The following SEMA4B variants were observed in gnomAD, a reference collection of about 807,000 sequenced individuals.
SEMA4B encodes semaphorin-4B.
In SEMA4B, 55 loss-of-function variants were observed where a neutral mutation model predicts 88.1. The ratio of observed to expected loss-of-function variants is 0.62; its 90% CI spans 0.50 to 0.78. The LOEUF is 0.78. SEMA4B is among the 30% of genes least tolerant of loss of function. The probability of loss-of-function intolerance (pLI) is 0.00; values close to 1 mark genes in which losing one functional copy is unlikely to be tolerated. For missense variants in SEMA4B, 1,062 were observed against 1,111.9 expected (o/e 0.96, Z 0.64); for synonymous variants, 525 against 473.6 (o/e 1.11, Z -1.41).
rs143064598 is a variant in SEMA4B, at chr15:90,195,798, C to T, written c.-121-5660C>T. On this transcript the variant is annotated intron_variant, in intron 1 of 14. Coordinates refer to the SEMA4B transcript ENST00000332496. ...CTAATTTTTGTAATTTTTGTAGAGA[C>T]GGAGTTTTGCCGTGTTGCCCAGGTT... 1.4e-3 allele frequency among the ~76,000 whole-genome samples: 218 copies of T among 150,632 alleles called. 2 individuals carry two copies. The highest frequency in any genetic ancestry group is 5.0e-3 in the African/African-American group (204 of 40,978).
chr15:90,203,463 G>A (rs1365454115), intron 1 of SEMA4B, among the ~76,000 whole-genome samples: 3 of 152,176 alleles, frequency 2.0e-5, no homozygotes, highest in Non-Finnish European at 4.4e-5. Context: ...GTCAAAAGAC[G>A]GTAGGTTTCA....
At chr15:90,197,330 T>C (rs142262342), upstream of SEMA4B, among the ~76,000 whole-genome samples, 4,085 of 152,082 alleles carry the variant, frequency 0.027, 161 homozygotes, top group African/African-American at 0.093. Flanking sequence ...GTGGAGGTTG[T>C]AGTGAGCTGA....
At chr15:90,227,454 C>A in intron 12 of SEMA4B, 103 bp from the exon 13 acceptor site, 2 of 958,208 alleles carry the variant, frequency 2.1e-6, no homozygotes, top group Non-Finnish European at 3.2e-6. Flanking sequence ...GGGGAATCAG[C>A]TCAGGAAAGG....
chr15:90,188,962 C>T (rs1216547284), intron 1 of SEMA4B, among the ~76,000 whole-genome samples: 3 of 152,172 alleles, frequency 2.0e-5, no homozygotes. Flanking sequence ...AGCCACCGCG[C>T]CCAGCCAGGA....
At chr15:90,184,951 G>C, upstream of SEMA4B, 6 of 985,964 alleles carry the variant, frequency 6.1e-6, no homozygotes, top group Non-Finnish European at 7.2e-6. Flanking sequence ...GACTGAGGCT[G>C]TGCGCCCGAG....
In SEMA4B at chr15:90,220,692, T is replaced by A. The variant is rs528391159; in HGVS notation, c.484-290T>A. Among the ~76,000 whole-genome samples, 158 of 152,066 alleles carry A rather than the reference T, an allele frequency of 1.0e-3. 1 individual carries two copies. The highest frequency in any genetic ancestry group is 3.4e-3 in the Middle Eastern group (1 of 294). ...CCAGGCTCACATCATTTTCTAAGCC[T>A]CACCTCCTCCGCCAGGTGGGTCTGA... On this transcript the variant is annotated intron_variant, in intron 4 of 13. Transcript: ENST00000411539.
intron 1 of SEMA4B, among the ~76,000 whole-genome samples, chr15:90,215,771 C>T (rs1961505077): frequency 6.6e-6 from 1 of 152,098 alleles, no homozygotes; most frequent in Non-Finnish European, 1.5e-5. Context: ...GAGATCATGC[C>T]AGTGCACTCC....
intron 9 of SEMA4B, among the ~76,000 whole-genome samples, chr15:90,224,622 C>T (rs903682560): frequency 6.6e-6 from 1 of 152,200 alleles, no homozygotes; most frequent in Admixed American, 6.5e-5. Context: ...GCCGACTGCA[C>T]TGGGACGCTC....
intron 1 of SEMA4B, among the ~76,000 whole-genome samples, chr15:90,190,021 G>A (rs1198103407): frequency 6.6e-6 from 1 of 152,204 alleles, no homozygotes; most frequent in African/African-American, 2.4e-5. Context: ...TGGCCCCGTG[G>A]GTGCGTCCTC....
chr15:90,218,770 C>T (rs556919747), intron 3 of SEMA4B, among the ~76,000 whole-genome samples: 16 of 152,212 alleles, frequency 1.1e-4, no homozygotes, highest in African/African-American at 3.9e-4. Context: ...GAGCCGAGAT[C>T]TCGCCACTGC....
chr15:90,223,802 A>G, intron 8 of SEMA4B, 36 bp from the exon 9 acceptor site: 1 of 1,608,664 alleles, frequency 6.2e-7, no homozygotes, highest in Non-Finnish European at 8.5e-7. Context: ...TGGGGCCCCC[A>G]GGGCTCCTGG....
chr15:90,222,156 T>G (rs1961886918), intron 7 of SEMA4B, among the ~76,000 whole-genome samples: 1 of 149,888 alleles, frequency 6.7e-6, no homozygotes, highest in Non-Finnish European at 1.5e-5. Context: ...CCTGGGCTGG[T>G]CTCAAACTCC....
chr15:90,229,553 T>G lies in SEMA4B; in HGVS notation c.*910T>G, dbSNP rs111912263. Reference sequence around the variant, plus strand: ...TCACCTTCCTCCACTCTAAGGGATATCAACACTGCCCAGCACAGGGGCCCT... The same window carrying G: ...TCACCTTCCTCCACTCTAAGGGATAGCAACACTGCCCAGCACAGGGGCCCT... On this transcript the variant is annotated 3_prime_UTR_variant, in exon 14 of 14. Transcript: ENST00000411539. 1,437 of 374,556 alleles carry G rather than the reference T, an allele frequency of 3.8e-3. 29 individuals carry two copies. The highest frequency in any genetic ancestry group is 0.028 in the African/African-American group (1,321 of 47,606). The allele number at this position is 374,556 out of a possible 1,614,324, so 23.2% of individuals were successfully genotyped here. A position where few individuals can be genotyped will look rare whatever the true frequency, so the allele number is the denominator to read the frequency against.
chr15:90,196,400 CAT>C (rs774339449), upstream of SEMA4B, among the ~76,000 whole-genome samples: 5 of 152,166 alleles, frequency 3.3e-5, no homozygotes, highest in Non-Finnish European at 7.3e-5. Context: ...ACCTTGTTAA[CAT>C]ATAGTTTCGT....
intron 7 of SEMA4B, among the ~76,000 whole-genome samples, chr15:90,222,972 T>TATACA (rs1178972019): frequency 6.5e-5 from 4 of 61,868 alleles, no homozygotes; most frequent in Non-Finnish European, 1.0e-4. Context: ...ATATATACAT[T>TATACA]TTTTTTTTTC....
At chr15:90,195,996 T>C (rs1040455980) in intron 1 of SEMA4B, among the ~76,000 whole-genome samples, 5 of 148,300 alleles carry the variant, frequency 3.4e-5, no homozygotes, top group African/African-American at 1.0e-4. Context: ...CTCGGCTCAC[T>C]GCGAGCTCTG....
chr15:90,210,896 G>A (rs1216254012), intron 1 of SEMA4B, among the ~76,000 whole-genome samples: 1 of 152,152 alleles, frequency 6.6e-6, no homozygotes. Context: ...TGTTCTCTTT[G>A]GGAGCTTGTC....
chr15:90,195,534 G>A (rs1040404346), intron 1 of SEMA4B, among the ~76,000 whole-genome samples: 3 of 152,166 alleles, frequency 2.0e-5, no homozygotes, highest in African/African-American at 7.2e-5. Context: ...GGGTCTGATT[G>A]TGTTTTCATT....
At chr15:90,198,491 G>A (rs917070821), upstream of SEMA4B, among the ~76,000 whole-genome samples, 2 of 152,118 alleles carry the variant, frequency 1.3e-5, no homozygotes, top group Non-Finnish European at 1.5e-5. Context: ...CTAATATATC[G>A]TATGTTATTC....
Sources: allele counts gnomAD v4.1 joint callset (sites outside exome capture counted in the v4.1 genomes callset), GRCh38; gene constraint gnomAD v4.1.1; transcripts MANE v1.5; gene names NCBI Gene and HGNC (gene_info 2026-07-23, HGNC 2026-07-21).